The following ZNF723 variants were observed in gnomAD, a reference collection of about 807,000 sequenced individuals.
The protein encoded by ZNF723 is zinc finger protein 723.
A neutral mutation model predicts 9.4 loss-of-function variants in ZNF723; 5 were observed. The ratio of observed to expected loss-of-function variants is 0.53; its 90% CI spans 0.28 to 1.12. The LOEUF (loss-of-function observed/expected upper bound fraction) is 1.12, where lower values mean the gene tolerates loss of function less well. Among genes scored for constraint, ZNF723 ranks in the 50% most tolerant of loss-of-function variants. The pLI is 0.10. For missense variants in ZNF723, 450 were observed against 501.5 expected, an observed-to-expected ratio of 0.90 and a Z score of 0.98; for synonymous variants, 158 against 168.8, an observed-to-expected ratio of 0.94 and a Z score of 0.49.
At chr19:22,850,494 C>CT (rs35158906) in intron 3 of ZNF723, among the ~76,000 whole-genome samples, 30,731 of 139,418 alleles carry the variant, frequency 0.22, 3,814 homozygotes, top group African/African-American at 0.36. Flanking sequence ...GGCGCTGGGT[C>CT]TTTTTTTTTT....
chr19:22,818,981 C>A, the ZNF723 span, among the ~76,000 whole-genome samples: 1 of 152,132 alleles, frequency 6.6e-6, no homozygotes, highest in Admixed American at 6.6e-5. Flanking sequence ...TGATGTGACT[C>A]TTCTCCTGCA....
Position 22,858,620 on chromosome 19 carries a change from G to A in ZNF723, c.*187G>A, listed in dbSNP as rs1311956900. ...CTCTACTAAAATACAAAAAAAATTAGCCGGGTGTAGTGGTGGGCGCCTGTA... is the reference window on the plus strand; with the variant it reads ...CTCTACTAAAATACAAAAAAAATTAACCGGGTGTAGTGGTGGGCGCCTGTA... On this transcript the variant is annotated 3_prime_UTR_variant, in exon 4 of 4. Transcript: ENST00000600766. The A allele has an allele frequency of 2.4e-6, 1 of 417,402 alleles. No individual in the cohort carries two copies. Among genetic ancestry groups the A allele is most frequent in the East Asian group, 3.9e-5 (1 of 25,920 alleles). The allele number at this position is 417,402 out of a possible 1,614,324, so 25.9% of individuals were successfully genotyped here.
At chr19:22,855,139 C>T (rs1325423950) in intron 3 of ZNF723, among the ~76,000 whole-genome samples, 3 of 151,656 alleles carry the variant, frequency 2.0e-5, no homozygotes, top group Non-Finnish European at 2.9e-5. Flanking sequence ...TTTTCTGCAC[C>T]GTTATAACAA....
intron 1 of ZNF723, among the ~76,000 whole-genome samples, chr19:22,837,295 A>G (rs1051848598): frequency 3.3e-5 from 5 of 151,366 alleles, no homozygotes; most frequent in African/African-American, 1.2e-4. Context: ...AAAAAAAGAA[A>G]GAAAGAAAAA....
intron 2 of ZNF723, 29 bp from the exon 3 acceptor site, chr19:22,849,169 A>G: frequency 1.8e-6 from 1 of 541,578 alleles, no homozygotes; most frequent in Non-Finnish European, 3.3e-6. Context: ...TATGAGGAAC[A>G]TTCATGTTAT....
chr19:22,833,941 TTTTTTTTC>T (rs1967131122), intron 1 of ZNF723, among the ~76,000 whole-genome samples: 1 of 142,388 alleles, frequency 7.0e-6, no homozygotes, highest in African/African-American at 2.8e-5. Context: ...TTTTTTTTTT[TTTTTTTTC>T]CGAGTCTCCT....
chr19:22,845,862 G>A (rs1471676225), intron 1 of ZNF723, among the ~76,000 whole-genome samples: 1 of 146,312 alleles, frequency 6.8e-6, no homozygotes, highest in African/African-American at 2.5e-5. Context: ...GAATCCCAGA[G>A]AAGGAGGAGA....
the ZNF723 span, among the ~76,000 whole-genome samples, chr19:22,817,483 C>A: frequency 6.6e-6 from 1 of 152,018 alleles, no homozygotes; most frequent in Non-Finnish European, 1.5e-5. Context: ...CTGGGCCCAG[C>A]AATTAGGTGA....
At position 22,844,553 on chromosome 19, in the gene ZNF723, C is replaced by T. The variant is rs368139470; in HGVS notation, c.4-3708C>T. On this transcript the variant is annotated intron_variant, in intron 1 of 3. Transcript: ENST00000600766. ...CAACATACTCTTGAGCACATAGTAC[C>T]TGCTTAAACATTGCATTAGTACATG... Among the ~76,000 whole-genome samples the T allele has an allele frequency of 5.3e-4, 81 of 152,284 alleles. 4 individuals carry two copies. In the South Asian group the frequency reaches 0.017, roughly 31 times the overall value.
chr19:22,816,045 A>C, the ZNF723 span, among the ~76,000 whole-genome samples: 9 of 152,208 alleles, frequency 5.9e-5, no homozygotes, highest in African/African-American at 1.9e-4. Flanking sequence ...GACATATCCA[A>C]CTGGAGAGAT....
chr19:22,816,061 C>T, the ZNF723 span, among the ~76,000 whole-genome samples: 1 of 152,208 alleles, frequency 6.6e-6, no homozygotes, highest in Non-Finnish European at 1.5e-5. Context: ...GAGATGTTGA[C>T]TCTCATTACT....
intron 1 of ZNF723, among the ~76,000 whole-genome samples, chr19:22,838,836 C>T (rs1338760461): frequency 6.6e-6 from 1 of 152,140 alleles, no homozygotes; most frequent in African/African-American, 2.4e-5. Flanking sequence ...CAACCTCTGC[C>T]TCCTGGGTTC....
chr19:22,849,297 G>T lies in ZNF723; in HGVS notation c.226+4G>T. The T allele has an allele frequency of 1.8e-6, 1 of 567,066 alleles. No individual in the cohort carries two copies. 35.1% of individuals were successfully genotyped at this position (567,066 alleles called of 1,614,324 possible). A position where few individuals can be genotyped will look rare whatever the true frequency, so the allele number is the denominator to read the frequency against. The stretch of plus-strand genomic sequence containing the variant: ...AAGATGGTAGCCAAGCCCCCAGGTA[G>T]GTGGAGAGTGAACACAATGGACAAC... On this transcript the variant is annotated splice_donor_region_variant and intron_variant, in intron 3 of 3. Transcript: ENST00000600766.
intron 1 of ZNF723, among the ~76,000 whole-genome samples, chr19:22,840,246 A>T (rs917854993): frequency 5.9e-5 from 9 of 151,740 alleles, no homozygotes; most frequent in Non-Finnish European, 1.3e-4. Flanking sequence ...ATCTGGGCTC[A>T]CTGCAATCTC....
intron 3 of ZNF723, among the ~76,000 whole-genome samples, chr19:22,855,865 A>G (rs190801592): frequency 6.6e-6 from 1 of 152,196 alleles, no homozygotes; most frequent in Admixed American, 6.5e-5. Flanking sequence ...GTGTGCTTAT[A>G]TATGTGTTTG....
chr19:22,848,729 T>TTTTA (rs71163410), intron 2 of ZNF723, among the ~76,000 whole-genome samples: 2,075 of 143,042 alleles, frequency 0.015, 20 homozygotes, highest in Admixed American at 0.029. Context: ...AGAGAAATTA[T>TTTTA]TTTATTTATT....
At chr19:22,850,740 A>G (rs768545933) in intron 3 of ZNF723, among the ~76,000 whole-genome samples, 3 of 152,040 alleles carry the variant, frequency 2.0e-5, no homozygotes, top group Non-Finnish European at 4.4e-5. Flanking sequence ...TTAAGAGTTT[A>G]TTATTTTTTT....
At chr19:22,831,896 G>A (rs1967101446), upstream of ZNF723, among the ~76,000 whole-genome samples, 1 of 150,232 alleles carries the variant, frequency 6.7e-6, no homozygotes, top group Admixed American at 6.6e-5. Context: ...CGACAAGAGC[G>A]AGACTCTGTC....
At chr19:22,832,947 A>G (rs755691828) in intron 1 of ZNF723, among the ~76,000 whole-genome samples, 2 of 152,180 alleles carry the variant, frequency 1.3e-5, no homozygotes, top group Non-Finnish European at 2.9e-5. Context: ...GTAGTTTCCT[A>G]ATTTCCACCT....
Sources: allele counts gnomAD v4.1 joint callset (sites outside exome capture counted in the v4.1 genomes callset), GRCh38; gene constraint gnomAD v4.1.1; transcripts MANE v1.5; gene names NCBI Gene and HGNC (gene_info 2026-07-23, HGNC 2026-07-21).